Variants in TMEM245 observed in about 807,000 individuals in gnomAD.
TMEM245 encodes protein CG-2.
A neutral mutation model predicts 101.2 loss-of-function variants in TMEM245; 69 were observed. That is an observed-to-expected ratio of 0.68 (90% CI 0.56 to 0.83). The LOEUF (loss-of-function observed/expected upper bound fraction) is 0.83. Among genes scored for constraint, TMEM245 ranks in the 40% least tolerant of loss-of-function variants. TMEM245 has a pLI of 0.00. For synonymous variants in TMEM245, 537 were observed against 449.8 expected (o/e 1.19, Z -2.45); for missense variants, 1,075 against 1,092.8 (o/e 0.98, Z 0.23).
chr9:109,033,335 G>C lies in TMEM245; in HGVS notation c.2566C>G (p.Gln856Glu), dbSNP rs751277935. ...SPTNSVPTPN[Q>E]TPWPAQPQRT... is the part of the protein sequence containing the mutation. ...TGAGGCTGAGCAGGCCATGGGGTCTGGTTTGGCGTGGGAACTGAATTCGTG... is the reference window on the plus strand; with the variant it reads ...TGAGGCTGAGCAGGCCATGGGGTCTCGTTTGGCGTGGGAACTGAATTCGTG... Residue 856 changes from glutamine to glutamate, a missense_variant, in exon 17 of 18, where the codon CAG (glutamine) becomes GAG (glutamate). This residue lies in a region of TMEM245 where 267 missense variants were observed against 351.3 expected (regional missense o/e 0.76). Coordinates refer to ENST00000374586, the MANE Select transcript of TMEM245 (RefSeq NM_032012.4). 1.9e-6 allele frequency: 3 copies of C among 1,612,806 alleles called. No homozygotes were observed. Among genetic ancestry groups the C allele is most frequent in the Non-Finnish European group, 2.5e-6 (3 of 1,179,406 alleles).
rs755399182 is a variant in TMEM245, at chr9:109,032,365, C to CTTTTTTTTTTTTTTTTTTTTTTT, written c.2594+919_2594+941dup. Reference sequence around the variant, plus strand: ...GCATTTGGTTGTCCTATTTCTTTTCCTTTTTTTTTTTTTTTTTTTTTTTTT... The same window carrying CTTTTTTTTTTTTTTTTTTTTTTT: ...GCATTTGGTTGTCCTATTTCTTTTCCTTTTTTTTTTTTTTTTTTTTTTTTTTTTTTTTTTTTTTTTTTTTTTTT... On this transcript the variant is annotated intron_variant, in intron 17 of 17. Coordinates refer to ENST00000374586, the MANE Select transcript of TMEM245 (RefSeq NM_032012.4). Among the ~76,000 whole-genome samples the CTTTTTTTTTTTTTTTTTTTTTTT allele has an allele frequency of 6.8e-4, 28 of 40,980 alleles. 9 individuals are homozygous for CTTTTTTTTTTTTTTTTTTTTTTT. The highest frequency in any genetic ancestry group is 8.0e-4 in the Non-Finnish European group (18 of 22,614). The allele number at this position is 40,980 out of a possible 152,430, so 26.9% of individuals were successfully genotyped here.
chr9:109,025,309 C>T (rs773418838), intron 17 of TMEM245, among the ~76,000 whole-genome samples: 2 of 152,144 alleles, frequency 1.3e-5, no homozygotes, highest in East Asian at 3.9e-4. Context: ...TGGACTCAAA[C>T]GATCGCCTGC....
chr9:109,090,453 T>C (rs1030637159), intron 5 of TMEM245, among the ~76,000 whole-genome samples: 1 of 152,048 alleles, frequency 6.6e-6, no homozygotes, highest in Non-Finnish European at 1.5e-5. Flanking sequence ...CCGGGCGCGG[T>C]GGCTCACACC....
chr9:109,085,944 C>G, intron 7 of TMEM245, 53 bp downstream of exon 7: 4 of 1,586,438 alleles, frequency 2.5e-6, no homozygotes, highest in Non-Finnish European at 3.5e-6. Flanking sequence ...AAAGGCGATA[C>G]AGGGGCATTA....
chr9:109,118,038 G>A lies in TMEM245; in HGVS notation c.579+1297C>T, dbSNP rs913589917. On this transcript the variant is annotated intron_variant, in intron 1 of 17. Coordinates refer to ENST00000374586, the MANE Select transcript of TMEM245 (RefSeq NM_032012.4). ...ACCAATCACATTCTCTGGGCCTGTGGCCCACAACGGATGAGTCATGAACAT... is the reference window on the plus strand; with the variant it reads ...ACCAATCACATTCTCTGGGCCTGTGACCCACAACGGATGAGTCATGAACAT... Among the ~76,000 whole-genome samples the A allele has an allele frequency of 3.3e-5, 5 of 152,356 alleles. No individual in the cohort carries two copies. In the East Asian group the frequency reaches 5.8e-4, roughly 18 times the overall value.
At chr9:109,073,844 C>CTTT (rs1286950802) in intron 8 of TMEM245, among the ~76,000 whole-genome samples, 107 of 121,394 alleles carry the variant, frequency 8.8e-4, no homozygotes, top group African/African-American at 2.4e-3. Context: ...AAGGAACTAA[C>CTTT]TTTTTTTTTT....
intron 3 of TMEM245, among the ~76,000 whole-genome samples, chr9:109,103,275 A>G (rs913526792): frequency 6.6e-6 from 1 of 152,248 alleles, no homozygotes; most frequent in African/African-American, 2.4e-5. Context: ...CACAAGATCA[A>G]CAAGCAAAAA....
intron 1 of TMEM245, among the ~76,000 whole-genome samples, chr9:109,117,607 T>C (rs1045364382): frequency 6.6e-6 from 1 of 152,212 alleles, no homozygotes. Context: ...TCTTTACAAG[T>C]GCTCAACTCT....
intron 6 of TMEM245, 102 bp downstream of exon 6, chr9:109,087,071 G>C: frequency 1.0e-6 from 1 of 970,418 alleles, no homozygotes; most frequent in Non-Finnish European, 1.5e-6. Flanking sequence ...GATATTACAT[G>C]TGTTATCAAC....
At position 109,017,574 on chromosome 9, in the gene TMEM245, C is replaced by T. The variant is rs1166739303; in HGVS notation, c.*2886G>A. ...TCTCCCCTCCCATCCATTCGGTTTA[C>T]AACTGAATAGCGAATGTGAACTTGA... is the stretch of plus-strand genomic sequence containing the variant. On this transcript the variant is annotated 3_prime_UTR_variant, in exon 18 of 18. Transcript: ENST00000374586. 1 of 152,164 alleles carries T rather than the reference C, an allele frequency of 6.6e-6. No individual in the cohort carries two copies. The highest frequency in any genetic ancestry group is 1.5e-5 in the Non-Finnish European group (1 of 68,034). The allele number at this position is 152,164 out of a possible 1,614,324, so 9.4% of individuals were successfully genotyped here.
chr9:109,075,535 T>C (rs986567196), intron 8 of TMEM245, among the ~76,000 whole-genome samples: 3 of 152,242 alleles, frequency 2.0e-5, no homozygotes, highest in African/African-American at 7.2e-5. Flanking sequence ...TTCAATTTCT[T>C]GTCCTCATAG....
chr9:109,030,808 C>T (rs1827923065), intron 17 of TMEM245, among the ~76,000 whole-genome samples: 1 of 152,216 alleles, frequency 6.6e-6, no homozygotes, highest in Non-Finnish European at 1.5e-5. Flanking sequence ...GCCCCCTAAC[C>T]AGCTCTAACT....
At chr9:109,034,287 T>C (rs1436327482) in intron 16 of TMEM245, among the ~76,000 whole-genome samples, 1 of 152,214 alleles carries the variant, frequency 6.6e-6, no homozygotes, top group Non-Finnish European at 1.5e-5. Context: ...TGTTCTATAT[T>C]ACAGCTAAAT....
intron 17 of TMEM245, among the ~76,000 whole-genome samples, chr9:109,028,749 C>G (rs1393083301): frequency 6.6e-6 from 1 of 152,108 alleles, no homozygotes; most frequent in Non-Finnish European, 1.5e-5. Context: ...CTTAAAGAAG[C>G]AAAAACCCAA....
chr9:109,020,700 A>G (rs1234274097), intron 17 of TMEM245, among the ~76,000 whole-genome samples, 195 bp from the exon 18 acceptor site: 1 of 152,210 alleles, frequency 6.6e-6, no homozygotes, highest in East Asian at 1.9e-4. Context: ...GATCTATCCA[A>G]AGGACTGTTT....
In TMEM245 at chr9:109,087,341, G is replaced by C. The variant is rs372390706; in HGVS notation, c.1152C>G (p.Val384=). 11 of 1,582,132 alleles carry C rather than the reference G, an allele frequency of 7.0e-6. No individual in the cohort carries two copies. The highest frequency in any genetic ancestry group is 1.7e-4 in the Middle Eastern group (1 of 5,904). The change falls in exon 6 of 18, where the codon GTC becomes GTG. Residue 384 remains valine (V), a splice_region_variant and synonymous_variant. Transcript: ENST00000374586. ...GAATGACAAGCTTTTTGAGTATCCA[G>C]ACTAAAAAAAGACAAAAAATACATA... The part of the protein sequence containing the change: ...IVQLLPVPIA[V]WILKKLVIHF...
chr9:109,059,183 C>A (rs143134100), intron 11 of TMEM245, among the ~76,000 whole-genome samples: 1 of 152,136 alleles, frequency 6.6e-6, no homozygotes, highest in Non-Finnish European at 1.5e-5. Context: ...GGGATCAAAT[C>A]TATGATACTC....
intron 17 of TMEM245, among the ~76,000 whole-genome samples, chr9:109,031,531 G>A (rs954735753): frequency 6.6e-6 from 1 of 152,152 alleles, no homozygotes; most frequent in Admixed American, 6.5e-5. Context: ...CCTACTATAT[G>A]ATTTCTTTTA....
At chr9:109,039,784 G>A (rs769483961) in intron 14 of TMEM245, among the ~76,000 whole-genome samples, 39 of 151,754 alleles carry the variant, frequency 2.6e-4, no homozygotes, top group Admixed American at 9.2e-4. Flanking sequence ...CAGTATTCCC[G>A]GAGACCAAGG....
Sources: gnomAD v4.1 joint callset for allele counts (sites outside exome capture counted in the v4.1 genomes callset) on GRCh38, gnomAD v4.1.1 for gene constraint, gnomAD v4.1.1 regional missense constraint, MANE v1.5 for transcripts, NCBI Gene and HGNC (gene_info 2026-07-23, HGNC 2026-07-21) for gene names.